Variants in FOXN3 observed in about 807,000 individuals in gnomAD.
The protein encoded by FOXN3 is forkhead box N3.
A neutral mutation model predicts 38.4 loss-of-function variants in FOXN3; 7 were observed. That is an observed-to-expected ratio of 0.18 (90% CI 0.10 to 0.34). FOXN3 has a LOEUF of 0.34. Among genes scored for constraint, FOXN3 ranks in the 10% least tolerant of loss-of-function variants. The probability of loss-of-function intolerance (pLI) is 1.00; values close to 1 mark genes in which losing one functional copy is unlikely to be tolerated. For synonymous variants in FOXN3, 230 were observed against 242.2 expected, an observed-to-expected ratio of 0.95 and a Z score of 0.47; for missense variants, 456 against 613.4, an observed-to-expected ratio of 0.74 and a Z score of 2.71.
At chr14:89,489,208 A>G (rs183081290) in intron 1 of FOXN3, among the ~76,000 whole-genome samples, 5 of 152,308 alleles carry the variant, frequency 3.3e-5, no homozygotes, top group South Asian at 2.1e-4. Context: ...TTTTTCATCT[A>G]TCAAGAAAAA....
chr14:89,312,933 G>A (rs1196867828), intron 3 of FOXN3, among the ~76,000 whole-genome samples: 5 of 152,068 alleles, frequency 3.3e-5, no homozygotes, highest in Non-Finnish European at 1.5e-5. Flanking sequence ...AATCCTTTTC[G>A]CTGAAGGTCT....
chr14:89,280,525 C>T (rs1164701534), intron 4 of FOXN3, among the ~76,000 whole-genome samples: 1 of 152,180 alleles, frequency 6.6e-6, no homozygotes, highest in African/African-American at 2.4e-5. Context: ...ATGCATGCAC[C>T]TCCATGATGA....
chr14:89,612,591 T>C (rs1360390693), intron 1 of FOXN3, among the ~76,000 whole-genome samples: 1 of 149,600 alleles, frequency 6.7e-6, no homozygotes, highest in East Asian at 2.0e-4. Flanking sequence ...AGCTCAGGAG[T>C]TTGAGACCAG....
chr14:89,368,330 C>CAA lies in FOXN3; in HGVS notation c.544-17524_544-17523dup, dbSNP rs35347785. Among the ~76,000 whole-genome samples, 3 of 136,766 alleles carry CAA rather than the reference C, an allele frequency of 2.2e-5. No homozygotes were observed. The East Asian group carries it at 6.5e-4, about 29-fold the overall frequency. The allele number at this position is 136,766 out of a possible 152,430, so 89.7% of individuals were successfully genotyped here. On this transcript the variant is annotated intron_variant, in intron 2 of 5. Coordinates refer to ENST00000557258, the MANE Select transcript of FOXN3 (RefSeq NM_005197.4). ...GGATAAAAAGAGTGAAACTCTGTCT[C>CAA]AAAAAAAAAAAAAAAGAACACCGAA...
At chr14:89,404,672 G>A in intron 2 of FOXN3, among the ~76,000 whole-genome samples, 1 of 151,974 alleles carries the variant, frequency 6.6e-6, no homozygotes, top group East Asian at 1.9e-4. Context: ...AACCTTCTGA[G>A]GTGACATAGC....
At chr14:89,245,141 AT>A (rs892016566) in intron 4 of FOXN3, among the ~76,000 whole-genome samples, 1 of 152,196 alleles carries the variant, frequency 6.6e-6, no homozygotes, top group African/African-American at 2.4e-5. Flanking sequence ...GACTGCATAC[AT>A]TTTTTTAATG....
intron 1 of FOXN3, among the ~76,000 whole-genome samples, chr14:89,494,995 T>G (rs1438861431): frequency 1.3e-5 from 2 of 152,178 alleles, no homozygotes; most frequent in African/African-American, 4.8e-5. Context: ...GTCAAACTCA[T>G]TCACTGCACC....
intron 5 of FOXN3, among the ~76,000 whole-genome samples, chr14:89,179,295 T>C (rs1887603447): frequency 6.6e-6 from 1 of 152,218 alleles, no homozygotes; most frequent in Non-Finnish European, 1.5e-5. Flanking sequence ...CTGAAGATTA[T>C]GCGACTTGTC....
At chr14:89,565,498 C>T (rs243184) in intron 1 of FOXN3, among the ~76,000 whole-genome samples, 35,306 of 152,002 alleles carry the variant, frequency 0.23, 4,471 homozygotes, top group East Asian at 0.41. Flanking sequence ...TTCCAGGCTC[C>T]CTTCTGCAAT....
chr14:89,484,913 A>G lies in FOXN3; in HGVS notation c.-14-72423T>C, dbSNP rs747778507. Among the ~76,000 whole-genome samples the G allele has an allele frequency of 4.6e-5, 7 of 152,098 alleles. No individual in the cohort carries two copies. Among genetic ancestry groups the G allele is most frequent in the South Asian group, 2.1e-4 (1 of 4,832 alleles). Reference sequence around the variant, plus strand: ...AGCACTTTGGAGAACGTGCCTTGGGAGGCCAAGGCAGGAGGATCACTTGAG... The same window carrying G: ...AGCACTTTGGAGAACGTGCCTTGGGGGGCCAAGGCAGGAGGATCACTTGAG... On this transcript the variant is annotated intron_variant, in intron 1 of 6. Coordinates refer to the FOXN3 transcript ENST00000345097. The surrounding 1 kb of genome is among the most constrained non-coding windows in gnomAD (Gnocchi z 4.0).
chr14:89,508,971 A>C (rs929510142), intron 1 of FOXN3, among the ~76,000 whole-genome samples: 2 of 152,040 alleles, frequency 1.3e-5, no homozygotes, highest in Non-Finnish European at 2.9e-5. Context: ...GAGGGATGTC[A>C]TATCACCTCC....
At chr14:89,355,673 T>C (rs969127487) in intron 2 of FOXN3, among the ~76,000 whole-genome samples, 2 of 152,260 alleles carry the variant, frequency 1.3e-5, no homozygotes, top group Non-Finnish European at 2.9e-5. Context: ...TGGACTACCA[T>C]ATATCTGCAG....
chr14:89,608,949 T>G (rs1896335956), intron 1 of FOXN3, among the ~76,000 whole-genome samples: 1 of 152,156 alleles, frequency 6.6e-6, no homozygotes, highest in Non-Finnish European at 1.5e-5. Flanking sequence ...ACAAACTGCA[T>G]TTTCTCTGTA....
chr14:89,322,564 C>A (rs1178215433), intron 3 of FOXN3, among the ~76,000 whole-genome samples: 1 of 152,066 alleles, frequency 6.6e-6, no homozygotes, highest in Non-Finnish European at 1.5e-5. Context: ...AAAGAGGGAG[C>A]AACATGGTGG....
intron 3 of FOXN3, among the ~76,000 whole-genome samples, chr14:89,316,050 G>A (rs1393827567): frequency 6.6e-6 from 1 of 152,182 alleles, no homozygotes; most frequent in Non-Finnish European, 1.5e-5. Flanking sequence ...ACACCCTCCT[G>A]TGGTCCCCGC....
At chr14:89,395,142 G>C (rs1292052410) in intron 2 of FOXN3, among the ~76,000 whole-genome samples, 1 of 152,216 alleles carries the variant, frequency 6.6e-6, no homozygotes. Context: ...ATGGACACTG[G>C]TTATCTGATG....
At chr14:89,415,991 T>G (rs1424184451) in intron 1 of FOXN3, among the ~76,000 whole-genome samples, 1 of 152,086 alleles carries the variant, frequency 6.6e-6, no homozygotes, top group Non-Finnish European at 1.5e-5. Flanking sequence ...ACAGAAGGTC[T>G]CCAAATAACT....
intron 3 of FOXN3, among the ~76,000 whole-genome samples, chr14:89,342,906 C>T (rs565534948): frequency 5.6e-4 from 86 of 152,306 alleles, no homozygotes; most frequent in Non-Finnish European, 8.8e-4. Flanking sequence ...TTTCGGGTTT[C>T]CATCAAATAT....
chr14:89,298,313 G>A (rs1887108956), intron 3 of FOXN3, among the ~76,000 whole-genome samples: 1 of 152,014 alleles, frequency 6.6e-6, no homozygotes, highest in African/African-American at 2.4e-5. Flanking sequence ...TGTTTAATGA[G>A]TACAGGGTTT....
Sources: allele counts gnomAD v4.1 joint callset (sites outside exome capture counted in the v4.1 genomes callset), GRCh38; gene constraint gnomAD v4.1.1; non-coding constraint Gnocchi (gnomAD v3.1); transcripts MANE v1.5; gene names NCBI Gene and HGNC (gene_info 2026-07-23, HGNC 2026-07-21).